Variants in CLEC12B observed in about 807,000 individuals in gnomAD.
CLEC12B encodes the protein C-type lectin domain family 12 member B.
Under a neutral mutation model 36.1 loss-of-function variants are expected in CLEC12B, and 25 were observed. That is an observed-to-expected ratio of 0.69 (90% confidence interval 0.50 to 0.97). The LOEUF is 0.97. CLEC12B is among the 50% of genes least tolerant of loss of function. The pLI is 0.00. For missense variants in CLEC12B, 325 were observed against 318.4 expected (o/e 1.02, Z -0.16); for synonymous variants, 110 against 108.5 (o/e 1.01, Z -0.09).
chr12:10,012,144 A>G (rs1865344507), intron 1 of CLEC12B, among the ~76,000 whole-genome samples: 1 of 152,220 alleles, frequency 6.6e-6, no homozygotes, highest in Non-Finnish European at 1.5e-5. Context: ...TTATTAGGTG[A>G]TAAATAGCAT....
At chr12:10,015,439 A>G (rs1565580714) in intron 4 of CLEC12B, 33 bp downstream of exon 4, 1 of 1,593,906 alleles carries the variant, frequency 6.3e-7, no homozygotes, top group African/African-American at 1.4e-5. Flanking sequence ...AGTTATAGAC[A>G]TTATCCATAC....
intron 4 of CLEC12B, 24 bp from the exon 5 acceptor site, chr12:10,015,588 C>G: frequency 6.2e-7 from 1 of 1,613,014 alleles, no homozygotes; most frequent in Non-Finnish European, 8.5e-7. Context: ...TCACGTAAAA[C>G]TTTTTCTCTG....
chr12:10,017,175 T>C, intron 5 of CLEC12B: 1 of 985,344 alleles, frequency 1.0e-6, no homozygotes, highest in Non-Finnish European at 1.2e-6. Flanking sequence ...TCCCCCATTC[T>C]CTAATCACCA....
rs1565580035 is a variant in CLEC12B at position 10,014,668 on chromosome 12, G to C, written c.336G>C (p.Gln112His). Residue 112 changes from glutamine to histidine, a missense_variant, in exon 3 of 6, where the codon CAG becomes CAC. Gln to His is a conservative substitution (Grantham distance 24). Transcript: ENST00000338896. ...TGGAGGAGGAATTTCTCAAGTCACA[G>C]ATCTCCAGTGTACTGAAGAGGCAGG... ...LSMEEEFLKS[Q>H]ISSVLKRQEQ... The C allele has an allele frequency of 7.4e-6, 12 of 1,613,622 alleles. No homozygotes were observed. The highest frequency in any genetic ancestry group is 8.5e-6 in the Non-Finnish European group (10 of 1,179,632).
rs1420731361 is a variant in CLEC12B, at chr12:10,012,560, C to T, written c.92-225C>T. Among the ~76,000 whole-genome samples, 5 of 152,080 alleles carry T rather than the reference C, an allele frequency of 3.3e-5. No homozygotes were observed. In the South Asian group the frequency reaches 6.2e-4, roughly 19 times the overall value. On this transcript the variant is annotated intron_variant, in intron 1 of 5. Transcript: ENST00000338896. ...AAGGTATGCCTCCCCCCTCCCCCAA[C>T]GAAGCTTCCTCTTAAAGTGAAGGAG...
At chr12:10,006,332 T>C (rs1865224402), upstream of CLEC12B, among the ~76,000 whole-genome samples, 2 of 152,210 alleles carry the variant, frequency 1.3e-5, no homozygotes, top group Non-Finnish European at 1.5e-5. Flanking sequence ...AGCGCTGGTA[T>C]GGAGATAACA....
At position 10,015,698 on chromosome 12, in the gene CLEC12B, G is replaced by A. The variant is rs1393044035; in HGVS notation, c.651G>A (p.Trp217Ter). 1.2e-6 allele frequency: 2 copies of A among 1,613,558 alleles called. No individual in the cohort carries two copies. The highest frequency in any genetic ancestry group is 8.5e-7 in the Non-Finnish European group (1 of 1,179,704). Residue 217 changes from tryptophan to a stop codon, truncating the protein, a stop_gained, in exon 5 of 6, where the codon TGG (tryptophan) becomes TGA (stop). Coordinates refer to ENST00000338896, the MANE Select transcript of CLEC12B (RefSeq NM_001129998.3). LOFTEE classifies it high-confidence loss of function. The stretch of plus-strand genomic sequence containing the variant: ...ACTCCTCTGGCAGAAGTTGGTTCTG[G>A]GAAGATGGCTCTGTTCCCTCTCCAT... ...SWDSSGRSWF[W>*]EDGSVPSPSL...
chr12:10,016,815 A>G (rs1865496790), intron 5 of CLEC12B: 1 of 193,226 alleles, frequency 5.2e-6, no homozygotes, highest in Non-Finnish European at 9.5e-6. Flanking sequence ...TGAAATGTAC[A>G]GTAGATTATT....
upstream of CLEC12B, among the ~76,000 whole-genome samples, chr12:10,010,198 T>TCACA (rs750091791): frequency 0.08 from 7,774 of 96,632 alleles, 234 homozygotes; most frequent in Non-Finnish European, 0.099. Context: ...TCTGTCTCTC[T>TCACA]CTCACACACA....
chr12:10,017,189 T>A (rs530678198), intron 5 of CLEC12B: 1 of 985,362 alleles, frequency 1.0e-6, no homozygotes, highest in South Asian at 4.7e-5. Context: ...ATCACCATTA[T>A]TAATCATATC....
chr12:10,012,964 T>C (rs1230908745), intron 2 of CLEC12B, 81 bp downstream of exon 2: 1 of 987,606 alleles, frequency 1.0e-6, no homozygotes, highest in Admixed American at 1.7e-5. Flanking sequence ...GGATTGTAGA[T>C]GGGTCCTAGC....
At chr12:10,012,706 A>T (rs1211490350) in intron 1 of CLEC12B, 79 bp from the exon 2 acceptor site, 1 of 1,084,414 alleles carries the variant, frequency 9.2e-7, no homozygotes, top group East Asian at 2.4e-5. Context: ...AAGCTCCCTA[A>T]GTGGGAGAAA....
In CLEC12B at chr12:10,014,745, A is replaced by G; in HGVS notation, c.409+4A>G. 4 of 1,607,668 alleles carry G rather than the reference A, an allele frequency of 2.5e-6. No individual in the cohort carries two copies. Among genetic ancestry groups the G allele is most frequent in the Non-Finnish European group, 3.4e-6 (4 of 1,174,398 alleles). On this transcript the variant is annotated splice_donor_region_variant and intron_variant, in intron 3 of 5. Coordinates refer to ENST00000338896, the MANE Select transcript of CLEC12B (RefSeq NM_001129998.3). ...GAGCTAATCATTCATACTTCAGGTA[A>G]TCAGACTTAGTCCTGCTGACCAGTC... is the stretch of plus-strand genomic sequence containing the variant.
chr12:10,010,312 T>C (rs1225169046), upstream of CLEC12B, among the ~76,000 whole-genome samples: 1 of 152,184 alleles, frequency 6.6e-6, no homozygotes, highest in Non-Finnish European at 1.5e-5. Context: ...CTCTGCTTAA[T>C]ATCTAATGTG....
At chr12:10,007,531 T>A (rs1272122204), upstream of CLEC12B, among the ~76,000 whole-genome samples, 1 of 152,132 alleles carries the variant, frequency 6.6e-6, no homozygotes, top group Admixed American at 6.5e-5. Context: ...TTTTTTTTCT[T>A]AAGATAATGT....
chr12:10,012,561 G>A (rs949090058), intron 1 of CLEC12B, among the ~76,000 whole-genome samples: 2 of 152,002 alleles, frequency 1.3e-5, no homozygotes, highest in Non-Finnish European at 2.9e-5. Context: ...CTCCCCCAAC[G>A]AAGCTTCCTC....
chr12:10,014,828 G>C, intron 3 of CLEC12B, 87 bp downstream of exon 3: 1 of 841,234 alleles, frequency 1.2e-6, no homozygotes, highest in South Asian at 1.6e-5. Flanking sequence ...AGAGTATTGA[G>C]AGAGTTATGT....
intron 1 of CLEC12B, 85 bp downstream of exon 1, chr12:10,010,935 T>C: frequency 1.3e-6 from 1 of 793,836 alleles, no homozygotes. Context: ...AATACTGGCG[T>C]TAAAGACATG....
upstream of CLEC12B, among the ~76,000 whole-genome samples, chr12:10,008,430 T>C (rs1865255801): frequency 6.6e-6 from 1 of 152,132 alleles, no homozygotes; most frequent in Non-Finnish European, 1.5e-5. Context: ...ATTGGAATTA[T>C]CACCTACCTG....
Sources: gnomAD v4.1 joint callset for allele counts (sites outside exome capture counted in the v4.1 genomes callset) on GRCh38, gnomAD v4.1.1 for gene constraint, MANE v1.5 for transcripts, NCBI Gene and HGNC (gene_info 2026-07-23, HGNC 2026-07-21) for gene names.